Variants in AMPH observed in about 807,000 individuals in gnomAD.
The protein encoded by AMPH is amphiphysin.
A neutral mutation model predicts 99.1 loss-of-function variants in AMPH; 49 were observed. The observed-to-expected ratio is 0.49, with a 90% CI of 0.39 to 0.63. The LOEUF (loss-of-function observed/expected upper bound fraction) is 0.63, where lower values mean the gene tolerates loss of function less well. AMPH is among the 20% of genes least tolerant of loss of function. AMPH has a pLI of 0.00. For missense variants in AMPH, 759 were observed against 863.4 expected (o/e 0.88, Z 1.52); for synonymous variants, 314 against 317.3 (o/e 0.99, Z 0.11).
rs746080551 is a variant in AMPH, at chr7:38,626,837, AC to A, written c.69+4445del. 6.6e-5 allele frequency among the ~76,000 whole-genome samples: 10 copies of A among 152,238 alleles called. No homozygotes were observed. In the South Asian group the frequency reaches 8.3e-4, roughly 13 times the overall value. On this transcript the variant is annotated intron_variant, in intron 1 of 20. Transcript: ENST00000356264. The stretch of plus-strand genomic sequence containing the variant: ...ACTTAAGCAAATTTACAAGAAAAAA[AC>A]AACCCCATCAAAAAGTAGGCGAAGG...
At chr7:38,518,900 T>C (rs1347712093) in intron 2 of AMPH, among the ~76,000 whole-genome samples, 1 of 152,354 alleles carries the variant, frequency 6.6e-6, no homozygotes, top group South Asian at 2.1e-4. Context: ...CCAAAACTCA[T>C]CTTGAAATTT....
chr7:38,610,333 AAAAAG>A (rs199614522), intron 1 of AMPH, among the ~76,000 whole-genome samples: 6,776 of 29,420 alleles, frequency 0.23, 1,023 homozygotes, highest in East Asian at 0.38. Flanking sequence ...AAAGAAAAGA[AAAAAG>A]AAAAGAAAAG....
intron 3 of AMPH, among the ~76,000 whole-genome samples, chr7:38,503,286 G>A (rs142929815): frequency 1.2e-4 from 18 of 152,314 alleles, no homozygotes; most frequent in East Asian, 5.8e-4. Context: ...GCTTAGGTGC[G>A]TGTCTGTGAG....
chr7:38,445,036 A>G (rs1786713583), intron 11 of AMPH, among the ~76,000 whole-genome samples: 2 of 144,094 alleles, frequency 1.4e-5, no homozygotes, highest in African/African-American at 5.1e-5. Context: ...GTATATACAT[A>G]TATATACATA....
At chr7:38,428,189 A>G in intron 14 of AMPH, 1 of 456,744 alleles carries the variant, frequency 2.2e-6, no homozygotes, top group Non-Finnish European at 4.4e-6. Context: ...TTGCTTGGCC[A>G]TCTGGTATAC....
chr7:38,514,590 T>C (rs894298333), intron 2 of AMPH, among the ~76,000 whole-genome samples: 5 of 152,162 alleles, frequency 3.3e-5, no homozygotes, highest in Non-Finnish European at 7.3e-5. Context: ...CATGAATGGA[T>C]TAATGCCATT....
At chr7:38,401,068 G>A (rs1324588137) in intron 17 of AMPH, among the ~76,000 whole-genome samples, 2 of 152,014 alleles carry the variant, frequency 1.3e-5, no homozygotes, top group Non-Finnish European at 2.9e-5. Context: ...TTATAGTAAT[G>A]GATATATAAT....
At chr7:38,624,762 C>A (rs535478986) in intron 1 of AMPH, among the ~76,000 whole-genome samples, 5 of 152,026 alleles carry the variant, frequency 3.3e-5, no homozygotes, top group Non-Finnish European at 4.4e-5. Context: ...AGGCTGACTG[C>A]ATGTGCTTAT....
chr7:38,518,471 G>A lies in AMPH; in HGVS notation c.151-14767C>T, dbSNP rs544916628. Among the ~76,000 whole-genome samples the A allele has an allele frequency of 2.6e-5, 4 of 152,330 alleles. No individual in the cohort carries two copies. In the South Asian group the frequency reaches 8.3e-4, roughly 32 times the overall value. ...ATGGGGGCCCAACCCCAGCCACAGT[G>A]TATCCGGTAAATGGGATATAGAGTC... On this transcript the variant is annotated intron_variant, in intron 2 of 20. Coordinates refer to ENST00000356264, the MANE Select transcript of AMPH (RefSeq NM_001635.4).
chr7:38,566,161 A>C (rs1374175838), intron 1 of AMPH, among the ~76,000 whole-genome samples: 1 of 152,112 alleles, frequency 6.6e-6, no homozygotes, highest in Non-Finnish European at 1.5e-5. Flanking sequence ...TAGAGGTAAA[A>C]CTTCTTAACT....
intron 5 of AMPH, among the ~76,000 whole-genome samples, chr7:38,487,208 T>A (rs896004175): frequency 6.6e-6 from 1 of 152,118 alleles, no homozygotes; most frequent in Non-Finnish European, 1.5e-5. Context: ...TAAGAATAGT[T>A]GCAGGATACA....
intron 1 of AMPH, among the ~76,000 whole-genome samples, chr7:38,623,720 C>T (rs966008239): frequency 2.6e-5 from 4 of 152,194 alleles, no homozygotes; most frequent in African/African-American, 9.7e-5. Context: ...AGAGGAGGAT[C>T]TTCCTTTGCC....
At chr7:38,605,104 T>A (rs186355981) in intron 1 of AMPH, among the ~76,000 whole-genome samples, 5 of 152,048 alleles carry the variant, frequency 3.3e-5, no homozygotes, top group African/African-American at 1.2e-4. Context: ...ACTGATCCCA[T>A]AATAAGTATG....
At position 38,429,879 on chromosome 7, in the gene AMPH, G is replaced by A; in HGVS notation, c.1159-14C>T. ...ATCAGTGCTTGTCTGTATGGGTAAA[G>A]AAAATAGTAACAATAAGGCGAGAGA... is the stretch of plus-strand genomic sequence containing the variant. On this transcript the variant is annotated splice_polypyrimidine_tract_variant and intron_variant, in intron 13 of 20. Coordinates refer to ENST00000356264, the MANE Select transcript of AMPH (RefSeq NM_001635.4). 1 of 1,602,070 alleles carries A rather than the reference G, an allele frequency of 6.2e-7. No homozygotes were observed. Among genetic ancestry groups the A allele is most frequent in the Non-Finnish European group, 8.5e-7 (1 of 1,176,086 alleles).
Position 38,431,178 on chromosome 7 carries a change from T to C in AMPH, c.1158+1011A>G, listed in dbSNP as rs182952717. On this transcript the variant is annotated intron_variant, in intron 13 of 20. Coordinates refer to ENST00000356264, the MANE Select transcript of AMPH (RefSeq NM_001635.4). ...ACTTTCCCAAGTCTAAATTATGGAG[T>C]AGTTATCCTTACACATCAGATTAGC... 7.9e-5 allele frequency among the ~76,000 whole-genome samples: 12 copies of C among 151,978 alleles called. No homozygotes were observed. In the East Asian group the frequency reaches 2.3e-3, roughly 29 times the overall value.
At chr7:38,590,021 A>C (rs989970554) in intron 1 of AMPH, among the ~76,000 whole-genome samples, 4 of 152,144 alleles carry the variant, frequency 2.6e-5, no homozygotes, top group African/African-American at 7.2e-5. Flanking sequence ...CTTTATCTGA[A>C]ATGACATTGA....
intron 1 of AMPH, among the ~76,000 whole-genome samples, chr7:38,584,596 G>A (rs1002943339): frequency 6.6e-6 from 1 of 152,180 alleles, no homozygotes; most frequent in African/African-American, 2.4e-5. Flanking sequence ...TTCCTGAACT[G>A]GTAGGTCACT....
chr7:38,476,379 G>A (rs986511329), intron 6 of AMPH, among the ~76,000 whole-genome samples: 2 of 152,226 alleles, frequency 1.3e-5, no homozygotes, highest in Non-Finnish European at 2.9e-5. Context: ...AGAGGGTATA[G>A]TTAGGAGGTG....
intron 1 of AMPH, among the ~76,000 whole-genome samples, chr7:38,606,772 G>A (rs1793451376): frequency 6.6e-6 from 1 of 151,890 alleles, no homozygotes; most frequent in Non-Finnish European, 1.5e-5. Flanking sequence ...ACAGGGTCTT[G>A]CTATGTTGCC....
Sources: gnomAD v4.1 joint callset for allele counts (sites outside exome capture counted in the v4.1 genomes callset) on GRCh38, gnomAD v4.1.1 for gene constraint, MANE v1.5 for transcripts, NCBI Gene and HGNC (gene_info 2026-07-23, HGNC 2026-07-21) for gene names.